Variants in MSI2 observed in about 807,000 individuals in gnomAD.
MSI2 encodes RNA-binding protein Musashi homolog 2.
Under a neutral mutation model 45.6 loss-of-function variants are expected in MSI2, and 17 were observed. The ratio of observed to expected loss-of-function variants is 0.37; its 90% CI spans 0.26 to 0.56. MSI2 has a LOEUF of 0.56. MSI2 is among the 20% of genes least tolerant of loss of function. The pLI, the probability that MSI2 is intolerant of heterozygous loss-of-function variation, is 0.77. For synonymous variants in MSI2, 156 were observed against 158.2 expected, an observed-to-expected ratio of 0.99 and a Z score of 0.11; for missense variants, 293 against 444.2, an observed-to-expected ratio of 0.66 and a Z score of 3.06.
intron 5 of MSI2, among the ~76,000 whole-genome samples, chr17:57,388,026 C>T (rs1460040771): frequency 6.6e-6 from 1 of 152,168 alleles, no homozygotes; most frequent in African/African-American, 2.4e-5. Context: ...GTCCTCTTTC[C>T]ACTCCTTCAG....
intron 6 of MSI2, among the ~76,000 whole-genome samples, chr17:57,471,722 C>T (rs1490707311): frequency 6.6e-6 from 1 of 151,796 alleles, no homozygotes; most frequent in Non-Finnish European, 1.5e-5. Context: ...CGCCTGCGTG[C>T]TGCCCCCAGC....
intron 5 of MSI2, among the ~76,000 whole-genome samples, chr17:57,328,169 T>A (rs1913964979): frequency 6.6e-6 from 1 of 152,236 alleles, no homozygotes; most frequent in Non-Finnish European, 1.5e-5. Flanking sequence ...AATGTGCCTG[T>A]ATTGGCTTCT....
At chr17:57,547,452 G>T (rs1432183417) in intron 7 of MSI2, among the ~76,000 whole-genome samples, 1 of 152,066 alleles carries the variant, frequency 6.6e-6, no homozygotes, top group Non-Finnish European at 1.5e-5. Flanking sequence ...CTTGGGTGAG[G>T]GTTGTACAGT....
intron 6 of MSI2, among the ~76,000 whole-genome samples, chr17:57,522,069 C>G (rs1489342904): frequency 2.0e-5 from 3 of 152,200 alleles, no homozygotes; most frequent in Non-Finnish European, 4.4e-5. Flanking sequence ...GAGACAGTGC[C>G]TTCCCATGTT....
intron 6 of MSI2, among the ~76,000 whole-genome samples, chr17:57,505,078 CT>C (rs2086199023): frequency 4.6e-5 from 7 of 151,984 alleles, no homozygotes. Context: ...GTTGGGGTCA[CT>C]AGTTGAAATG....
intron 5 of MSI2, among the ~76,000 whole-genome samples, chr17:57,311,360 T>G (rs1176937080): frequency 6.6e-6 from 1 of 152,172 alleles, no homozygotes; most frequent in Non-Finnish European, 1.5e-5. Flanking sequence ...TTCTGAAATC[T>G]CATTTTGCAA....
At chr17:57,546,823 C>T (rs1007862982) in intron 7 of MSI2, among the ~76,000 whole-genome samples, 24 of 152,324 alleles carry the variant, frequency 1.6e-4, no homozygotes, top group African/African-American at 5.8e-4. Context: ...TCTTGTCCCA[C>T]GGCCACTGTG....
At chr17:57,573,581 C>G (rs2087935460) in intron 7 of MSI2, among the ~76,000 whole-genome samples, 1 of 152,174 alleles carries the variant, frequency 6.6e-6, no homozygotes, top group African/African-American at 2.4e-5. Flanking sequence ...GGGATCAACC[C>G]CCATCACTCC....
chr17:57,269,069 G>A (rs1908108954), intron 5 of MSI2, among the ~76,000 whole-genome samples: 1 of 152,188 alleles, frequency 6.6e-6, no homozygotes, highest in South Asian at 2.1e-4. Context: ...TTGAGGAAGG[G>A]CAATCTAAGC....
At chr17:57,380,650 G>A (rs2083583537) in intron 5 of MSI2, among the ~76,000 whole-genome samples, 1 of 152,202 alleles carries the variant, frequency 6.6e-6, no homozygotes, top group Non-Finnish European at 1.5e-5. Context: ...AAACAACCAA[G>A]TGGATGTGGG....
chr17:57,265,247 T>A (rs1396408241), intron 5 of MSI2: 1 of 152,214 alleles, frequency 6.6e-6, no homozygotes, highest in Non-Finnish European at 1.5e-5. Flanking sequence ...TCTGTGTTTT[T>A]GTGTTCAGGT....
chr17:57,438,210 C>T (rs1214347095), intron 6 of MSI2, among the ~76,000 whole-genome samples: 1 of 152,068 alleles, frequency 6.6e-6, no homozygotes, highest in Non-Finnish European at 1.5e-5. Flanking sequence ...GTAGGGTGTG[C>T]GGAAGGCAGG....
At chr17:57,346,137 T>G (rs1328149599) in intron 5 of MSI2, among the ~76,000 whole-genome samples, 1 of 152,236 alleles carries the variant, frequency 6.6e-6, no homozygotes, top group Non-Finnish European at 1.5e-5. Flanking sequence ...TACTTAATAC[T>G]TTTCTTTTTG....
At chr17:57,279,778 A>G (rs1197773864) in intron 5 of MSI2, 1 of 152,048 alleles carries the variant, frequency 6.6e-6, no homozygotes. Flanking sequence ...CCAAGTAGCT[A>G]GGACCGCAGG....
At chr17:57,317,794 G>A (rs894264351) in intron 5 of MSI2, among the ~76,000 whole-genome samples, 23 of 152,160 alleles carry the variant, frequency 1.5e-4, no homozygotes, top group African/African-American at 5.3e-4. Context: ...GTGTATTTGG[G>A]GTAGTGGTGC....
intron 6 of MSI2, among the ~76,000 whole-genome samples, chr17:57,520,459 A>G (rs1191804682): frequency 6.6e-6 from 1 of 152,212 alleles, no homozygotes; most frequent in Non-Finnish European, 1.5e-5. Flanking sequence ...TAAATGTAGG[A>G]AAAAATTAAG....
At chr17:57,424,164 G>A (rs975977450) in intron 6 of MSI2, among the ~76,000 whole-genome samples, 3 of 152,230 alleles carry the variant, frequency 2.0e-5, no homozygotes, top group Non-Finnish European at 4.4e-5. Flanking sequence ...CCTGGAAAGA[G>A]AGAGCCCTGT....
At chr17:57,696,121 C>G in the MSI2 span, among the ~76,000 whole-genome samples, 1 of 152,172 alleles carries the variant, frequency 6.6e-6, no homozygotes, top group Non-Finnish European at 1.5e-5. Flanking sequence ...CCCAAAAAAG[C>G]TGGAAACTGG....
At chr17:57,609,176 A>G (rs965210709) in intron 8 of MSI2, among the ~76,000 whole-genome samples, 6 of 152,146 alleles carry the variant, frequency 3.9e-5, no homozygotes, top group African/African-American at 7.2e-5. Context: ...CAGAGAAACA[A>G]TGTTGGCCTC....
Sources: allele counts gnomAD v4.1 joint callset (sites outside exome capture counted in the v4.1 genomes callset), GRCh38; gene constraint gnomAD v4.1.1; transcripts MANE v1.5; gene names NCBI Gene and HGNC (gene_info 2026-07-23, HGNC 2026-07-21).